Variants in PLPP1 observed in about 807,000 individuals in gnomAD.
The protein encoded by PLPP1 is lipid phosphate phosphohydrolase 1a.
A neutral mutation model predicts 31.2 loss-of-function variants in PLPP1; 24 were observed. The observed-to-expected ratio is 0.77, with a 90% confidence interval of 0.56 to 1.08. The LOEUF (loss-of-function observed/expected upper bound fraction) is 1.08. Ranked by LOEUF, PLPP1 falls within the 50% of genes least tolerant of loss-of-function variation. The pLI, the probability that PLPP1 is intolerant of heterozygous loss-of-function variation, is 0.00. For synonymous variants in PLPP1, 146 were observed against 126.3 expected (o/e 1.16, Z -1.05); for missense variants, 319 against 342.7 (o/e 0.93, Z 0.55).
At chr5:55,485,188 GA>G (rs1277972719) in intron 1 of PLPP1, 1 of 152,168 alleles carries the variant, frequency 6.6e-6, no homozygotes, top group African/African-American at 2.4e-5. Context: ...ATTTGCACCT[GA>G]AAACTACAGT....
At chr5:55,475,575 T>TA in intron 1 of PLPP1, 125 bp from the exon 2 acceptor site, 1 of 872,202 alleles carries the variant, frequency 1.1e-6, no homozygotes, top group Non-Finnish European at 1.7e-6. Flanking sequence ...AGAGCACATG[T>TA]AAAAAAGGAA....
intron 4 of PLPP1, 26 bp from the exon 5 acceptor site, chr5:55,426,065 A>G: frequency 6.5e-7 from 1 of 1,550,146 alleles, no homozygotes; most frequent in Non-Finnish European, 8.7e-7. Flanking sequence ...AAAGAAAAAA[A>G]TAGTTTATTT....
intron 3 of PLPP1, among the ~76,000 whole-genome samples, chr5:55,452,770 T>C (rs920579845): frequency 2.6e-5 from 4 of 152,216 alleles, no homozygotes; most frequent in Non-Finnish European, 4.4e-5. Context: ...GTTAAAATCA[T>C]CTGTTACTGA....
At chr5:55,517,475 G>C (rs1300025862) in intron 1 of PLPP1, among the ~76,000 whole-genome samples, 1 of 152,262 alleles carries the variant, frequency 6.6e-6, no homozygotes, top group Non-Finnish European at 1.5e-5. Context: ...GGGAATACAG[G>C]TGTGAGCTAC....
At chr5:55,517,390 T>C (rs895532081) in intron 1 of PLPP1, among the ~76,000 whole-genome samples, 1 of 151,948 alleles carries the variant, frequency 6.6e-6, no homozygotes, top group Non-Finnish European at 1.5e-5. Context: ...AGAAACAAGG[T>C]TTTGCCATGT....
chr5:55,471,484 G>A (rs1299106988), intron 2 of PLPP1, among the ~76,000 whole-genome samples: 1 of 152,182 alleles, frequency 6.6e-6, no homozygotes, highest in Non-Finnish European at 1.5e-5. Context: ...ACAGGTGTGA[G>A]CCACTGCACT....
chr5:55,495,095 C>T (rs2111864350), intron 1 of PLPP1, among the ~76,000 whole-genome samples: 1 of 147,516 alleles, frequency 6.8e-6, no homozygotes, highest in East Asian at 2.0e-4. Flanking sequence ...GGCGCCATTG[C>T]ACTCCAGCCT....
At chr5:55,436,467 A>G (rs1260335311) in intron 4 of PLPP1, among the ~76,000 whole-genome samples, 1 of 152,182 alleles carries the variant, frequency 6.6e-6, no homozygotes, top group Non-Finnish European at 1.5e-5. Context: ...GCCTTCCGCC[A>G]TGCTTGTAAG....
rs1579984341 is a variant in PLPP1 at position 55,522,053 on chromosome 5, A to G, written c.58+12519T>C. Among the ~76,000 whole-genome samples, 17 of 152,182 alleles carry G rather than the reference A, an allele frequency of 1.1e-4. 1 individual carries two copies. In the South Asian group the frequency reaches 3.5e-3, roughly 32 times the overall value. ...ATCTGCTACACGTTTCCTATATGTC[A>G]TTTTCCTGGACACCCCACCCTGAAA... On this transcript the variant is annotated intron_variant, in intron 1 of 5. Coordinates refer to ENST00000307259, the MANE Select transcript of PLPP1 (RefSeq NM_003711.4).
chr5:55,495,958 A>T (rs1029394692), intron 1 of PLPP1, among the ~76,000 whole-genome samples: 1 of 152,046 alleles, frequency 6.6e-6, no homozygotes, highest in Non-Finnish European at 1.5e-5. Flanking sequence ...CCCAGTTTCA[A>T]GTGATTCTCC....
intron 1 of PLPP1, among the ~76,000 whole-genome samples, chr5:55,528,217 G>GA (rs1217879373): frequency 3.7e-4 from 54 of 147,380 alleles, no homozygotes; most frequent in African/African-American, 1.0e-3. Flanking sequence ...AGTTGGAAAA[G>GA]AAAAAAAAAA....
intron 1 of PLPP1, among the ~76,000 whole-genome samples, chr5:55,495,116 A>G (rs1322803738): frequency 1.4e-5 from 2 of 143,074 alleles, no homozygotes; most frequent in Non-Finnish European, 3.0e-5. Flanking sequence ...GGGCAACAAG[A>G]GCAAAACTCT....
chr5:55,440,896 A>C (rs975892898), intron 4 of PLPP1, among the ~76,000 whole-genome samples: 3 of 152,156 alleles, frequency 2.0e-5, no homozygotes, highest in Non-Finnish European at 4.4e-5. Flanking sequence ...GAAATGACAA[A>C]TTTACACAGA....
At chr5:55,526,774 T>C (rs1740460413) in intron 1 of PLPP1, among the ~76,000 whole-genome samples, 1 of 151,554 alleles carries the variant, frequency 6.6e-6, no homozygotes. Flanking sequence ...CTACTAAAAA[T>C]ACAAAAAATT....
chr5:55,521,864 T>A (rs1382755498), intron 1 of PLPP1, among the ~76,000 whole-genome samples: 1 of 152,218 alleles, frequency 6.6e-6, no homozygotes, highest in Non-Finnish European at 1.5e-5. Flanking sequence ...GTGAAACATT[T>A]ACCAAACGCA....
At chr5:55,477,560 A>G (rs955024038) in intron 1 of PLPP1, among the ~76,000 whole-genome samples, 56 of 151,428 alleles carry the variant, frequency 3.7e-4, no homozygotes, top group Admixed American at 3.7e-3. Context: ...CGCCCAGCTA[A>G]TTTTTGTATT....
intron 1 of PLPP1, among the ~76,000 whole-genome samples, chr5:55,509,424 T>C (rs1387835966): frequency 6.6e-6 from 1 of 152,220 alleles, no homozygotes; most frequent in Non-Finnish European, 1.5e-5. Context: ...TCTGGTCACT[T>C]AGCTTACAGT....
intron 2 of PLPP1, among the ~76,000 whole-genome samples, chr5:55,473,830 T>C (rs1019322486): frequency 6.6e-6 from 1 of 151,640 alleles, no homozygotes; most frequent in Admixed American, 6.6e-5. Context: ...GGCCTTTTTT[T>C]TTGCGAGGAG....
chr5:55,458,425 A>T (rs980786413), intron 3 of PLPP1, among the ~76,000 whole-genome samples: 1 of 146,394 alleles, frequency 6.8e-6, no homozygotes, highest in African/African-American at 2.6e-5. Flanking sequence ...TATTAACCTT[A>T]AAAAAAAAAA....
Sources: gnomAD v4.1 joint callset for allele counts (sites outside exome capture counted in the v4.1 genomes callset) on GRCh38, gnomAD v4.1.1 for gene constraint, MANE v1.5 for transcripts, NCBI Gene and HGNC (gene_info 2026-07-23, HGNC 2026-07-21) for gene names.